SETD3: variants seen among roughly 807,000 people sequenced by gnomAD.
SETD3 encodes the protein SET domain containing 3, actin N3(tau)-histidine methyltransferase.
Under a neutral mutation model 63.0 loss-of-function variants are expected in SETD3, and 19 were observed. The ratio of observed to expected loss-of-function variants is 0.30; its 90% CI spans 0.21 to 0.44. SETD3 has a LOEUF of 0.44. SETD3 is among the 20% of genes least tolerant of loss of function. SETD3 has a pLI of 1.00. For missense variants in SETD3, 587 were observed against 728.5 expected (o/e 0.81, Z 2.24); for synonymous variants, 286 against 264.1 (o/e 1.08, Z -0.80).
chr14:99,463,466 T>C lies in SETD3; in HGVS notation c.196+20A>G. The C allele has an allele frequency of 6.3e-7, 1 of 1,589,488 alleles. No individual in the cohort carries two copies. Among genetic ancestry groups the C allele is most frequent in the African/African-American group, 1.3e-5 (1 of 74,616 alleles). The stretch of plus-strand genomic sequence containing the variant: ...CTACATGACATTATTAAAATACAGT[T>C]ATCATTCTAGCAATTTTACCTTTTT... On this transcript the variant is annotated intron_variant, in intron 3 of 12. Transcript: ENST00000331768.
chr14:99,419,984 C>T (rs528952423), intron 6 of SETD3, among the ~76,000 whole-genome samples: 1 of 152,188 alleles, frequency 6.6e-6, no homozygotes, highest in Non-Finnish European at 1.5e-5. Context: ...TTCCTGAGCA[C>T]CTCCGAAGTG....
At chr14:99,404,418 GAGCTGGAATGGGTCATT>G (rs1217389255) in intron 10 of SETD3, 108 bp from the exon 11 acceptor site, 4 of 947,662 alleles carry the variant, frequency 4.2e-6, no homozygotes, top group Non-Finnish European at 6.6e-6. Flanking sequence ...AAGGAGAGCT[GAGCTGGAATGGGTCATT>G]CCAGCTCCTC....
chr14:99,472,246 G>A (rs555762863), intron 1 of SETD3, among the ~76,000 whole-genome samples: 25 of 152,286 alleles, frequency 1.6e-4, no homozygotes, highest in South Asian at 1.4e-3. Flanking sequence ...ACTAAACATA[G>A]AAGGGCAAGA....
At chr14:99,485,028 G>A (rs1279576818), upstream of SETD3, among the ~76,000 whole-genome samples, 3 of 152,178 alleles carry the variant, frequency 2.0e-5, no homozygotes, top group Admixed American at 1.3e-4. Flanking sequence ...CAACTTTAGG[G>A]TCTTGTGAAA....
chr14:99,460,494 G>C (rs1015574633), intron 4 of SETD3, among the ~76,000 whole-genome samples: 2 of 152,124 alleles, frequency 1.3e-5, no homozygotes, highest in Non-Finnish European at 2.9e-5. Flanking sequence ...CCAGGGCAGA[G>C]AGCAGAGTGG....
chr14:99,420,050 G>C (rs536957865), intron 6 of SETD3, among the ~76,000 whole-genome samples: 1 of 152,212 alleles, frequency 6.6e-6, no homozygotes, highest in Non-Finnish European at 1.5e-5. Flanking sequence ...AGTGAAGACA[G>C]ATAAGTGACC....
At chr14:99,407,517 G>A (rs1432466636) in intron 8 of SETD3, among the ~76,000 whole-genome samples, 1 of 152,090 alleles carries the variant, frequency 6.6e-6, no homozygotes, top group African/African-American at 2.4e-5. Flanking sequence ...CTAATTGTAC[G>A]ATGTCACTCT....
chr14:99,429,263 GA>G (rs1029452121), intron 6 of SETD3, among the ~76,000 whole-genome samples: 1 of 151,746 alleles, frequency 6.6e-6, no homozygotes, highest in Non-Finnish European at 1.5e-5. Flanking sequence ...ATATTTGCAG[GA>G]AAAAAAGAAG....
chr14:99,415,751 T>A (rs760301126), intron 6 of SETD3, among the ~76,000 whole-genome samples: 2 of 152,130 alleles, frequency 1.3e-5, no homozygotes, highest in Non-Finnish European at 2.9e-5. Flanking sequence ...TGTACATAAA[T>A]CTGGTTAAAA....
intron 6 of SETD3, among the ~76,000 whole-genome samples, chr14:99,437,717 C>T (rs1174290607): frequency 3.9e-5 from 6 of 152,072 alleles, no homozygotes; most frequent in East Asian, 1.9e-4. Flanking sequence ...AAGATTGATT[C>T]GTCTCAATAA....
intron 6 of SETD3, among the ~76,000 whole-genome samples, chr14:99,418,265 C>T (rs1355707738): frequency 1.3e-5 from 2 of 152,098 alleles, no homozygotes; most frequent in African/African-American, 4.8e-5. Flanking sequence ...GATAAAAAAA[C>T]CATAATGCCA....
At chr14:99,455,382 T>C (rs1410693506) in intron 6 of SETD3, among the ~76,000 whole-genome samples, 1 of 152,236 alleles carries the variant, frequency 6.6e-6, no homozygotes, top group Non-Finnish European at 1.5e-5. Context: ...AACCTGAATC[T>C]TAGGTTTACA....
intron 6 of SETD3, among the ~76,000 whole-genome samples, chr14:99,422,368 A>G (rs191470982): frequency 6.6e-5 from 10 of 152,294 alleles, no homozygotes; most frequent in South Asian, 6.2e-4. Context: ...TTAAACCACT[A>G]TATCAAGTTA....
chr14:99,450,337 A>C (rs1474097943), intron 6 of SETD3, among the ~76,000 whole-genome samples: 1 of 152,246 alleles, frequency 6.6e-6, no homozygotes, highest in Non-Finnish European at 1.5e-5. Flanking sequence ...ACATCTCTGG[A>C]AATTCACATC....
At chr14:99,430,508 G>A (rs1431260927) in intron 6 of SETD3, among the ~76,000 whole-genome samples, 1 of 152,214 alleles carries the variant, frequency 6.6e-6, no homozygotes, top group Non-Finnish European at 1.5e-5. Context: ...AAAGACTCCA[G>A]CTATATTAAT....
chr14:99,451,829 C>T (rs931099585), intron 6 of SETD3, among the ~76,000 whole-genome samples: 11 of 151,932 alleles, frequency 7.2e-5, no homozygotes, highest in African/African-American at 2.2e-4. Flanking sequence ...CTTAATACAA[C>T]GAATGCTCTC....
At chr14:99,434,796 G>C (rs140413057) in intron 6 of SETD3, among the ~76,000 whole-genome samples, 2,276 of 125,338 alleles carry the variant, frequency 0.018, 59 homozygotes, top group African/African-American at 0.066. Flanking sequence ...GTGATGAGCC[G>C]AGATCACGCC....
At chr14:99,403,470 C>T (rs908479476) in intron 11 of SETD3, among the ~76,000 whole-genome samples, 55 of 142,010 alleles carry the variant, frequency 3.9e-4, no homozygotes, top group African/African-American at 1.6e-3. Flanking sequence ...CTCTCTCTCT[C>T]TCTCTCTCTC....
intron 6 of SETD3, among the ~76,000 whole-genome samples, chr14:99,426,654 G>A (rs866052081): frequency 2.6e-5 from 4 of 152,142 alleles, no homozygotes; most frequent in African/African-American, 9.7e-5. Context: ...AGTCATAATC[G>A]TAGGTTGGAA....
Sources: allele counts gnomAD v4.1 joint callset (sites outside exome capture counted in the v4.1 genomes callset), GRCh38; gene constraint gnomAD v4.1.1; transcripts MANE v1.5; gene names NCBI Gene and HGNC (gene_info 2026-07-23, HGNC 2026-07-21).